Variants in GRID1 observed in about 807,000 individuals in gnomAD.
GRID1 encodes the protein glutamate ionotropic receptor delta type subunit 1.
Under a neutral mutation model 98.0 loss-of-function variants are expected in GRID1, and 28 were observed. That is an observed-to-expected ratio of 0.29 (90% CI 0.21 to 0.39). The LOEUF is 0.39. GRID1 is among the 10% of genes least tolerant of loss of function. GRID1 has a pLI of 1.00. For missense variants in GRID1, 1,111 were observed against 1,340.5 expected, an observed-to-expected ratio of 0.83 and a Z score of 2.67; for synonymous variants, 553 against 538.5, an observed-to-expected ratio of 1.03 and a Z score of -0.37.
intron 4 of GRID1, among the ~76,000 whole-genome samples, chr10:86,006,844 A>G (rs1842866721): frequency 6.6e-6 from 1 of 151,466 alleles, no homozygotes; most frequent in Non-Finnish European, 1.5e-5. Flanking sequence ...AAGTGGGAAC[A>G]CAGGATTCTC....
chr10:85,795,992 T>C (rs993083808), intron 8 of GRID1, among the ~76,000 whole-genome samples: 1 of 150,826 alleles, frequency 6.6e-6, no homozygotes, highest in African/African-American at 2.4e-5. Context: ...TAAGGGAGGG[T>C]TGCAAACAAA....
chr10:85,743,686 G>T (rs770828471), intron 8 of GRID1, among the ~76,000 whole-genome samples: 1 of 152,092 alleles, frequency 6.6e-6, no homozygotes, highest in African/African-American at 2.4e-5. Flanking sequence ...TGTGGTTTCT[G>T]CCATTAAAGT....
At chr10:85,734,865 ATT>A (rs151169938) in intron 8 of GRID1, among the ~76,000 whole-genome samples, 1 of 152,058 alleles carries the variant, frequency 6.6e-6, no homozygotes, top group Non-Finnish European at 1.5e-5. Flanking sequence ...ATCCAGTGGA[ATT>A]TTTTTTATGT....
chr10:85,945,045 A>C (rs1254386879), intron 4 of GRID1, among the ~76,000 whole-genome samples: 2 of 152,224 alleles, frequency 1.3e-5, no homozygotes, highest in East Asian at 3.8e-4. Flanking sequence ...TTGAGTTTCA[A>C]ATGCTGAGGT....
chr10:85,676,220 T>C (rs188958002), intron 12 of GRID1, among the ~76,000 whole-genome samples: 1 of 152,144 alleles, frequency 6.6e-6, no homozygotes, highest in East Asian at 1.9e-4. Flanking sequence ...CAGCAGCTAA[T>C]GGGGCAAGGA....
intron 12 of GRID1, among the ~76,000 whole-genome samples, chr10:85,662,132 A>G (rs752045126): frequency 4.6e-5 from 7 of 152,172 alleles, no homozygotes; most frequent in Non-Finnish European, 1.0e-4. Flanking sequence ...CTGAAATCCC[A>G]AGAGTCACTC....
chr10:86,143,229 C>T (rs1339081461), intron 3 of GRID1, among the ~76,000 whole-genome samples: 2 of 152,194 alleles, frequency 1.3e-5, no homozygotes, highest in Non-Finnish European at 2.9e-5. Flanking sequence ...TGTCCAGCTG[C>T]ACTTGGGGTG....
intron 12 of GRID1, among the ~76,000 whole-genome samples, chr10:85,701,420 C>G (rs992619109): frequency 1.3e-5 from 2 of 152,080 alleles, no homozygotes; most frequent in African/African-American, 4.8e-5. Flanking sequence ...AGTGGTTTCT[C>G]TTACTGTTGT....
At chr10:86,021,610 A>C (rs1489347533) in intron 4 of GRID1, among the ~76,000 whole-genome samples, 2 of 152,018 alleles carry the variant, frequency 1.3e-5, no homozygotes, top group Non-Finnish European at 2.9e-5. Context: ...GCCCCCACAC[A>C]TGCATGATCT....
rs1841653875 is a variant in GRID1, at chr10:85,717,565, G to A, written c.1997+5438C>T. 2.0e-5 allele frequency among the ~76,000 whole-genome samples: 3 copies of A among 152,158 alleles called. No homozygotes were observed. In the South Asian group the frequency reaches 6.2e-4, roughly 32 times the overall value. On this transcript the variant is annotated intron_variant, in intron 12 of 15. Transcript: ENST00000327946. ...TCCCTGGATCCCTCCTGGGAATTCT[G>A]GGAGATACAATTCAAGCTGAGATTT...
intron 5 of GRID1, among the ~76,000 whole-genome samples, chr10:85,902,206 T>C (rs1841398580): frequency 6.6e-6 from 1 of 152,212 alleles, no homozygotes; most frequent in Admixed American, 6.5e-5. Flanking sequence ...ACCCTATATA[T>C]ACTATAGTTT....
chr10:86,000,817 G>T (rs1021683338), intron 4 of GRID1, among the ~76,000 whole-genome samples: 4 of 152,248 alleles, frequency 2.6e-5, no homozygotes, highest in African/African-American at 9.6e-5. Flanking sequence ...TTTTAATAAA[G>T]TTAAATACAC....
chr10:85,841,204 T>A (rs1056113654), intron 8 of GRID1, among the ~76,000 whole-genome samples: 1 of 152,140 alleles, frequency 6.6e-6, no homozygotes, highest in African/African-American at 2.4e-5. Flanking sequence ...AACTACCTGA[T>A]CTTCAACAAA....
chr10:85,780,635 A>G (rs990645589), intron 8 of GRID1, among the ~76,000 whole-genome samples: 9 of 152,204 alleles, frequency 5.9e-5, no homozygotes, highest in African/African-American at 2.2e-4. Context: ...ATACAAGGTT[A>G]GTTATGACAA....
intron 4 of GRID1, among the ~76,000 whole-genome samples, chr10:86,103,811 CGAGAGA>C (rs112383273): frequency 6.6e-6 from 1 of 151,844 alleles, no homozygotes. Context: ...AACCATGTCA[CGAGAGA>C]GAGAGAGAAT....
At position 85,600,132 on chromosome 10, in the gene GRID1, G is replaced by C. The variant is rs1385360488; in HGVS notation, c.*2141C>G. On this transcript the variant is annotated 3_prime_UTR_variant, in exon 16 of 16. Transcript: ENST00000327946. ...ACCAGAGTTTGATTAAAAAAATAGA[G>C]AGATATATATGTGAAAAATTGACCA... The C allele has an allele frequency of 6.6e-6, 1 of 152,354 alleles. No individual in the cohort carries two copies. The highest frequency in any genetic ancestry group is 6.6e-5 in the Admixed American group (1 of 15,254). The allele number at this position is 152,354 out of a possible 1,614,324, so 9.4% of individuals were successfully genotyped here. A position where few individuals can be genotyped will look rare whatever the true frequency, so the allele number is the denominator to read the frequency against.
chr10:85,718,935 T>C (rs80232213), intron 12 of GRID1, among the ~76,000 whole-genome samples: 13 of 152,248 alleles, frequency 8.5e-5, no homozygotes, highest in South Asian at 2.1e-4. Context: ...TGAATTTTTA[T>C]GCTGTTTTCC....
intron 2 of GRID1, among the ~76,000 whole-genome samples, chr10:86,328,807 C>T (rs747674666): frequency 7.9e-5 from 12 of 151,776 alleles, no homozygotes; most frequent in Non-Finnish European, 1.3e-4. Flanking sequence ...ACTCACCTTT[C>T]CTGTAAGCTG....
intron 5 of GRID1, among the ~76,000 whole-genome samples, chr10:85,903,927 T>C (rs1272674108): frequency 1.3e-5 from 2 of 152,200 alleles, no homozygotes; most frequent in Admixed American, 1.3e-4. Context: ...ATGGGCACCC[T>C]ATGTAAAGTG....
Sources: allele counts gnomAD v4.1 joint callset (sites outside exome capture counted in the v4.1 genomes callset), GRCh38; gene constraint gnomAD v4.1.1; transcripts MANE v1.5; gene names NCBI Gene and HGNC (gene_info 2026-07-23, HGNC 2026-07-21).